ALK: variants seen among roughly 807,000 people sequenced by gnomAD.
ALK encodes the protein ALK receptor tyrosine kinase, also known as ALK tyrosine kinase receptor.
In ALK, 74 loss-of-function variants were observed where a neutral mutation model predicts 163.1. That is an observed-to-expected ratio of 0.45 (90% confidence interval 0.38 to 0.55). The LOEUF is 0.55. Among genes scored for constraint, ALK ranks in the 20% least tolerant of loss-of-function variants. The pLI, the probability that ALK is intolerant of heterozygous loss-of-function variation, is 0.00. For missense variants in ALK, 2,063 were observed against 2,105.3 expected, an observed-to-expected ratio of 0.98 and a Z score of 0.39; for synonymous variants, 960 against 843.2, an observed-to-expected ratio of 1.14 and a Z score of -2.40.
chr2:29,535,620 T>C (rs1006715773), intron 3 of ALK, among the ~76,000 whole-genome samples: 4 of 152,220 alleles, frequency 2.6e-5, no homozygotes, highest in Admixed American at 2.6e-4. Flanking sequence ...CAGTTCCCTG[T>C]GTTGACAGGT....
At chr2:29,211,252 T>A (rs1284833577) in intron 24 of ALK, among the ~76,000 whole-genome samples, 2 of 152,156 alleles carry the variant, frequency 1.3e-5, no homozygotes, top group Non-Finnish European at 2.9e-5. Flanking sequence ...GTGTATAAAA[T>A]GCCCCCATAA....
chr2:29,583,775 G>A (rs1344969058), intron 3 of ALK, among the ~76,000 whole-genome samples: 1 of 152,200 alleles, frequency 6.6e-6, no homozygotes, highest in African/African-American at 2.4e-5. Context: ...GATGTTAACA[G>A]GGTAAGTAGC....
intron 1 of ALK, among the ~76,000 whole-genome samples, chr2:29,813,513 G>A (rs933197624): frequency 3.3e-5 from 5 of 152,086 alleles, no homozygotes; most frequent in Non-Finnish European, 7.4e-5. Flanking sequence ...CCAGAAGCAA[G>A]GAGTCACTGT....
At chr2:29,210,773 A>G (rs1297752075) in intron 24 of ALK, among the ~76,000 whole-genome samples, 1 of 152,248 alleles carries the variant, frequency 6.6e-6, no homozygotes, top group Non-Finnish European at 1.5e-5. Flanking sequence ...TTGCTAAGCT[A>G]CATGGCTGAA....
chr2:29,842,128 G>A lies in ALK; in HGVS notation c.667+77865C>T, dbSNP rs149066016. ...ACCAATTTTCATCAGAAGCTAGAAA[G>A]TTGACTTTGAAGGAGAGCCTGCCTT... On this transcript the variant is annotated intron_variant, in intron 1 of 28. Transcript: ENST00000389048. 5.7e-3 allele frequency among the ~76,000 whole-genome samples: 867 copies of A among 151,438 alleles called. 6 individuals carry two copies. Among genetic ancestry groups the A allele is most frequent in the Admixed American group, 0.011 (164 of 15,216 alleles).
chr2:29,393,872 A>C (rs1479271110), intron 4 of ALK, among the ~76,000 whole-genome samples: 1 of 152,238 alleles, frequency 6.6e-6, no homozygotes, highest in African/African-American at 2.4e-5. Flanking sequence ...AGTCACCACA[A>C]ATAATTACTG....
chr2:29,438,061 G>A (rs1670447406), intron 4 of ALK, among the ~76,000 whole-genome samples: 2 of 151,614 alleles, frequency 1.3e-5, no homozygotes, highest in South Asian at 4.2e-4. Context: ...GACCTTCAGA[G>A]GGCTGCCTTT....
At chr2:29,625,905 T>A (rs2001915) in intron 3 of ALK, among the ~76,000 whole-genome samples, 19 of 152,158 alleles carry the variant, frequency 1.2e-4, no homozygotes, top group East Asian at 5.8e-4. Flanking sequence ...TCCACTGAGG[T>A]CTTTATGCTT....
At chr2:29,456,368 A>T (rs561109565) in intron 4 of ALK, among the ~76,000 whole-genome samples, 9 of 152,336 alleles carry the variant, frequency 5.9e-5, no homozygotes, top group Admixed American at 3.3e-4. Context: ...CACACAATGT[A>T]ATATTATTCA....
chr2:29,798,643 T>C (rs749764747), intron 1 of ALK, among the ~76,000 whole-genome samples: 18 of 152,226 alleles, frequency 1.2e-4, no homozygotes, highest in Non-Finnish European at 2.5e-4. Flanking sequence ...CATTCTATAT[T>C]TGCCACCATA....
chr2:29,919,723 A>G (rs1268381133), intron 1 of ALK, among the ~76,000 whole-genome samples: 2 of 152,180 alleles, frequency 1.3e-5, no homozygotes, highest in African/African-American at 2.4e-5. Context: ...CGGACAGCGT[A>G]TAAGTCCAGA....
intron 6 of ALK, among the ~76,000 whole-genome samples, chr2:29,321,451 T>A (rs192197338): frequency 6.8e-4 from 103 of 152,352 alleles, no homozygotes; most frequent in African/African-American, 2.4e-3. Flanking sequence ...TTCCATTTGC[T>A]TTCCTTTCTC....
At chr2:29,273,127 C>T (rs1017656907) in intron 11 of ALK, among the ~76,000 whole-genome samples, 7 of 152,258 alleles carry the variant, frequency 4.6e-5, no homozygotes, top group African/African-American at 1.7e-4. Flanking sequence ...TTGGGCTTTG[C>T]AAACATGCCC....
At chr2:29,696,080 C>A (rs1678551214) in intron 2 of ALK, among the ~76,000 whole-genome samples, 1 of 152,152 alleles carries the variant, frequency 6.6e-6, no homozygotes, top group African/African-American at 2.4e-5. Context: ...AACAGACATG[C>A]CTACATATGT....
At chr2:29,594,315 T>C (rs185984537) in intron 3 of ALK, among the ~76,000 whole-genome samples, 2 of 152,252 alleles carry the variant, frequency 1.3e-5, no homozygotes, top group East Asian at 3.9e-4. Flanking sequence ...GTGAGCTGTG[T>C]ATCTCTTCCC....
chr2:29,652,597 C>A (rs933625765), intron 3 of ALK, among the ~76,000 whole-genome samples: 1 of 152,120 alleles, frequency 6.6e-6, no homozygotes, highest in Non-Finnish European at 1.5e-5. Flanking sequence ...CTGGAAAGAC[C>A]AAGGCAGGAT....
intron 1 of ALK, among the ~76,000 whole-genome samples, chr2:29,838,737 A>C (rs1286072728): frequency 6.6e-6 from 1 of 152,188 alleles, no homozygotes; most frequent in Admixed American, 6.5e-5. Context: ...TGGGTGAAAA[A>C]TGAATAACAG....
chr2:29,719,066 T>C (rs1239011900), intron 1 of ALK, among the ~76,000 whole-genome samples: 2 of 152,178 alleles, frequency 1.3e-5, no homozygotes, highest in African/African-American at 4.8e-5. Context: ...CATGGCAGTC[T>C]CTTGTTTCCA....
In ALK at chr2:29,271,726, C is replaced by T. The variant is rs145780702; in HGVS notation, c.2041+3373G>A. ...CCAGGGCCCAGTGGGGGTGTTCTCT[C>T]TTTTAGTCCAGTGCTTTTCCCATGA... On this transcript the variant is annotated intron_variant, in intron 11 of 28. Transcript: ENST00000389048. 1.8e-3 allele frequency among the ~76,000 whole-genome samples: 267 copies of T among 152,362 alleles called. 2 individuals carry two copies. The highest frequency in any genetic ancestry group is 6.2e-3 in the African/African-American group (256 of 41,576).
Sources: gnomAD v4.1 joint callset for allele counts (sites outside exome capture counted in the v4.1 genomes callset) on GRCh38, gnomAD v4.1.1 for gene constraint, MANE v1.5 for transcripts, NCBI Gene and HGNC (gene_info 2026-07-23, HGNC 2026-07-21) for gene names.